The following SNRPN variants were observed in gnomAD, a reference collection of about 807,000 sequenced individuals.
SNRPN encodes small nuclear ribonucleoprotein polypeptide N.
In SNRPN, 7 loss-of-function variants were observed where a neutral mutation model predicts 25.2. The observed-to-expected ratio is 0.28, with a 90% CI of 0.16 to 0.52. The LOEUF is 0.52. Ranked by LOEUF, SNRPN falls within the 20% of genes least tolerant of loss-of-function variation. The pLI is 0.96. For synonymous variants in SNRPN, 124 were observed against 110.6 expected, an observed-to-expected ratio of 1.12 and a Z score of -0.76; for missense variants, 196 against 322.5, an observed-to-expected ratio of 0.61 and a Z score of 3.00.
chr15:24,921,746 T>C (rs552280427), intron 3 of SNRPN, among the ~76,000 whole-genome samples: 1 of 152,330 alleles, frequency 6.6e-6, no homozygotes, highest in African/African-American at 2.4e-5. Context: ...ACTTGGCCTA[T>C]TGAAACTGGC....
At chr15:24,839,505 A>G (rs767554068) in intron 2 of SNRPN, among the ~76,000 whole-genome samples, 10 of 152,196 alleles carry the variant, frequency 6.6e-5, no homozygotes, top group South Asian at 2.1e-4. Flanking sequence ...TAGTCACTCA[A>G]TTGCCATTCC....
chr15:24,940,559 A>G (rs1429865448), intron 3 of SNRPN, among the ~76,000 whole-genome samples: 1 of 152,126 alleles, frequency 6.6e-6, no homozygotes, highest in African/African-American at 2.4e-5. Flanking sequence ...CCAGTTGTCT[A>G]TGTTTTGCAT....
At chr15:24,878,860 T>C (rs919314499) in intron 1 of SNRPN, among the ~76,000 whole-genome samples, 3 of 152,114 alleles carry the variant, frequency 2.0e-5, no homozygotes, top group Admixed American at 2.0e-4. Context: ...TAAGATTCTT[T>C]ATATATTCTT....
chr15:24,927,475 A>ATT lies in SNRPN; in HGVS notation c.-391+7351_-391+7352insTT, dbSNP rs1566921436. On this transcript the variant is annotated intron_variant, in intron 3 of 11. Transcript: ENST00000400097. ...TTTCCCACTGCTTATAAAGTTTTTA[A>ATT]ATTTTTTTTTTTTTTTTTTTTTTTT... Among the ~76,000 whole-genome samples, 94 of 113,320 alleles carry ATT rather than the reference A, an allele frequency of 8.3e-4. 11 individuals carry two copies. Among genetic ancestry groups the ATT allele is most frequent in the African/African-American group, 2.3e-3 (67 of 29,600 alleles). The allele number at this position is 113,320 out of a possible 152,430, so 74.3% of individuals were successfully genotyped here. A position where few individuals can be genotyped will look rare whatever the true frequency, so the allele number is the denominator to read the frequency against.
rs532774253 is a variant in SNRPN at position 24,955,878 on chromosome 15, C to T, written c.-391+816C>T. Among the ~76,000 whole-genome samples, 6 of 151,566 alleles carry T rather than the reference C, an allele frequency of 4.0e-5. No individual in the cohort carries two copies. The East Asian group carries it at 1.2e-3, about 30-fold the overall frequency. ...GGCGGTGGGCATGGCGGCCGCGGGG[C>T]CTGTCGCTGTCCGGAGTGACTAAGG... On this transcript the variant is annotated intron_variant, in intron 1 of 9. Transcript: ENST00000390687.
intron 2 of SNRPN, among the ~76,000 whole-genome samples, chr15:24,906,672 G>T (rs547267710): frequency 6.6e-6 from 1 of 152,104 alleles, no homozygotes; most frequent in African/African-American, 2.4e-5. Context: ...TGTGCTTCCT[G>T]CATCTATTAT....
chr15:24,847,222 C>A (rs547155929), intron 2 of SNRPN, among the ~76,000 whole-genome samples: 59 of 152,138 alleles, frequency 3.9e-4, no homozygotes, highest in African/African-American at 1.4e-3. Flanking sequence ...ATGCTCACAG[C>A]GCCACCTAGC....
At chr15:24,972,255 CAAAAAAAAA>C (rs5811371) in intron 3 of SNRPN, among the ~76,000 whole-genome samples, 1 of 108,272 alleles carries the variant, frequency 9.2e-6, no homozygotes, top group African/African-American at 3.5e-5. Flanking sequence ...GACTCTGTCT[CAAAAAAAAA>C]AAAAAAAGGA....
upstream of SNRPN, among the ~76,000 whole-genome samples, chr15:24,953,642 C>G (rs1232724750): frequency 6.6e-6 from 1 of 152,164 alleles, no homozygotes; most frequent in Non-Finnish European, 1.5e-5. Context: ...TTTCGATTGA[C>G]TCCCGTGATC....
intron 3 of SNRPN, among the ~76,000 whole-genome samples, chr15:24,924,571 A>G (rs994907683): frequency 6.6e-6 from 1 of 151,978 alleles, no homozygotes; most frequent in East Asian, 1.9e-4. Context: ...CCAAAGCATC[A>G]TATTTTGGGG....
chr15:24,893,805 G>A lies in SNRPN; in HGVS notation c.-505+7216G>A, dbSNP rs150689550. Among the ~76,000 whole-genome samples the A allele has an allele frequency of 3.7e-3, 558 of 151,998 alleles. 4 individuals carry two copies. The highest frequency in any genetic ancestry group is 0.013 in the African/African-American group (535 of 41,448). On this transcript the variant is annotated intron_variant, in intron 2 of 11. Coordinates refer to the SNRPN transcript ENST00000400097. ...GGGTTTTCATATTCATGTGTGAGAT[G>A]TGCCTCCCTCAGTCCTTGTTATGAC... is the stretch of plus-strand genomic sequence containing the variant.
In SNRPN at chr15:24,890,665, C is replaced by A. The variant is rs545433142; in HGVS notation, c.-505+4076C>A. ...TTGCACTCCAGCCTGGGCAACAGAG[C>A]GAGACTCTGTCTCAAAAAACAAAAA... is the stretch of plus-strand genomic sequence containing the variant. On this transcript the variant is annotated intron_variant, in intron 2 of 11. Coordinates refer to the SNRPN transcript ENST00000400097. 2.1e-3 allele frequency among the ~76,000 whole-genome samples: 325 copies of A among 152,052 alleles called. 1 individual carries two copies. The highest frequency in any genetic ancestry group is 7.6e-3 in the African/African-American group (314 of 41,482).
chr15:24,919,050 TGTGCGC>T, intron 2 of SNRPN, among the ~76,000 whole-genome samples: 3 of 138,994 alleles, frequency 2.2e-5, no homozygotes, highest in Non-Finnish European at 4.8e-5. Flanking sequence ...ATAATATATA[TGTGCGC>T]ATATATATAT....
At chr15:24,948,375 G>A (rs965323947) in intron 3 of SNRPN, among the ~76,000 whole-genome samples, 2 of 152,136 alleles carry the variant, frequency 1.3e-5, no homozygotes, top group Non-Finnish European at 2.9e-5. Context: ...GCTTCCCAAA[G>A]TGCTGGGATT....
upstream of SNRPN, chr15:24,954,911 G>T (rs528245047): frequency 1.6e-6 from 2 of 1,288,876 alleles, no homozygotes; most frequent in African/African-American, 1.5e-5. Flanking sequence ...ACGCCTGCGC[G>T]GCCGCAGAGG....
At chr15:24,867,537 G>A (rs1244576457) in intron 1 of SNRPN, among the ~76,000 whole-genome samples, 1 of 152,004 alleles carries the variant, frequency 6.6e-6, no homozygotes, top group Non-Finnish European at 1.5e-5. Flanking sequence ...ACCACGCTCA[G>A]CTAATTTTTT....
chr15:24,849,609 G>T (rs539815667), intron 2 of SNRPN: 1 of 152,320 alleles, frequency 6.6e-6, no homozygotes, highest in South Asian at 2.1e-4. Context: ...AAAGAGACAC[G>T]CTGTGAACAA....
intron 2 of SNRPN, among the ~76,000 whole-genome samples, chr15:24,916,538 GA>G (rs2059534544): frequency 6.6e-6 from 1 of 151,726 alleles, no homozygotes; most frequent in Admixed American, 6.6e-5. Flanking sequence ...CCATGTGATA[GA>G]ACCAGATCGT....
chr15:24,878,841 T>C (rs1242625142), intron 1 of SNRPN, among the ~76,000 whole-genome samples: 3 of 152,182 alleles, frequency 2.0e-5, no homozygotes, highest in Non-Finnish European at 2.9e-5. Context: ...ATCATTTCTG[T>C]ATTGTCCTTA....
Sources: gnomAD v4.1 joint callset for allele counts (sites outside exome capture counted in the v4.1 genomes callset) on GRCh38, gnomAD v4.1.1 for gene constraint, MANE v1.5 for transcripts, NCBI Gene and HGNC (gene_info 2026-07-23, HGNC 2026-07-21) for gene names.